The following NXPE4 variants were observed in gnomAD, a reference collection of about 807,000 sequenced individuals.
NXPE4 encodes the protein neurexophilin and PC-esterase domain family member 4.
In NXPE4, 42 loss-of-function variants were observed where a neutral mutation model predicts 33.3. The observed-to-expected ratio is 1.26, with a 90% CI of 0.98 to 1.63. The LOEUF (loss-of-function observed/expected upper bound fraction) is 1.63, where lower values mean the gene tolerates loss of function less well. Ranked by LOEUF, NXPE4 falls within the 40% of genes most tolerant of loss-of-function variation. The probability of loss-of-function intolerance (pLI) is 0.00; values close to 1 mark genes in which losing one functional copy is unlikely to be tolerated. For synonymous variants in NXPE4, 253 were observed against 234.9 expected (o/e 1.08, Z -0.71); for missense variants, 709 against 647.6 (o/e 1.09, Z -1.03).
At chr11:114,663,683 T>TATC in the NXPE4 span, among the ~76,000 whole-genome samples, 6 of 130,672 alleles carry the variant, frequency 4.6e-5, no homozygotes, top group Non-Finnish European at 8.1e-5. Flanking sequence ...TCTATTTATC[T>TATC]ATCTATCTAT....
chr11:114,641,478 T>A, the NXPE4 span, among the ~76,000 whole-genome samples: 1 of 152,078 alleles, frequency 6.6e-6, no homozygotes, highest in Non-Finnish European at 1.5e-5. Flanking sequence ...GAAAGTACTT[T>A]ATATCAAACA....
At chr11:114,638,369 A>G in the NXPE4 span, among the ~76,000 whole-genome samples, 2 of 150,990 alleles carry the variant, frequency 1.3e-5, no homozygotes, top group Admixed American at 6.6e-5. Context: ...ATTCGTCTAA[A>G]TTTTTTTTCA....
At chr11:114,655,884 C>T in the NXPE4 span, among the ~76,000 whole-genome samples, 2 of 152,172 alleles carry the variant, frequency 1.3e-5, no homozygotes, top group Non-Finnish European at 2.9e-5. Context: ...AGGATGCCCT[C>T]TCTCATCACT....
At chr11:114,640,609 C>T in the NXPE4 span, among the ~76,000 whole-genome samples, 28 of 151,904 alleles carry the variant, frequency 1.8e-4, no homozygotes, top group African/African-American at 6.5e-4. Context: ...CACATCTTCA[C>T]GAACATCTGT....
the NXPE4 span, among the ~76,000 whole-genome samples, chr11:114,629,698 G>A: frequency 6.6e-6 from 1 of 151,958 alleles, no homozygotes; most frequent in Non-Finnish European, 1.5e-5. Flanking sequence ...AGGGAATAAA[G>A]GGTATTCAAT....
the NXPE4 span, among the ~76,000 whole-genome samples, chr11:114,616,478 C>T: frequency 6.6e-6 from 1 of 151,642 alleles, no homozygotes; most frequent in Non-Finnish European, 1.5e-5. Flanking sequence ...ATAAGTGTTG[C>T]CTCGAGGGTA....
At chr11:114,617,871 T>C in the NXPE4 span, among the ~76,000 whole-genome samples, 6 of 152,032 alleles carry the variant, frequency 3.9e-5, no homozygotes, top group African/African-American at 1.4e-4. Flanking sequence ...GCCTCATGGG[T>C]AACCACTCTT....
chr11:114,629,194 C>T, the NXPE4 span, among the ~76,000 whole-genome samples: 1 of 152,022 alleles, frequency 6.6e-6, no homozygotes. Context: ...CATTCTGATA[C>T]CAAAGCCGGG....
chr11:114,625,965 G>A, the NXPE4 span, among the ~76,000 whole-genome samples: 2 of 151,712 alleles, frequency 1.3e-5, no homozygotes, highest in African/African-American at 4.9e-5. Flanking sequence ...GCACTTTTCC[G>A]ATGGGCTTAA....
intron 1 of NXPE4, 27 bp from the exon 2 acceptor site, chr11:114,594,796 AC>A: frequency 9.1e-7 from 1 of 1,101,680 alleles, no homozygotes. Flanking sequence ...AAAAACAAGC[AC>A]AAAAACATAC....
chr11:114,633,599 G>T, the NXPE4 span, among the ~76,000 whole-genome samples: 9 of 151,464 alleles, frequency 5.9e-5, no homozygotes, highest in South Asian at 1.9e-3. Flanking sequence ...ATCTCATAAT[G>T]CTATCCCTCC....
chr11:114,666,791 G>C, the NXPE4 span, among the ~76,000 whole-genome samples: 1 of 152,030 alleles, frequency 6.6e-6, no homozygotes, highest in Non-Finnish European at 1.5e-5. Flanking sequence ...TAGAGTATTG[G>C]TCTTTTCCTT....
At chr11:114,670,656 C>A in the NXPE4 span, among the ~76,000 whole-genome samples, 1 of 151,978 alleles carries the variant, frequency 6.6e-6, no homozygotes, top group Non-Finnish European at 1.5e-5. Context: ...TGTACCACTG[C>A]ACTCTAGCCT....
chr11:114,642,720 A>T, the NXPE4 span, among the ~76,000 whole-genome samples: 1 of 152,048 alleles, frequency 6.6e-6, no homozygotes, highest in Non-Finnish European at 1.5e-5. Flanking sequence ...ACTGCAATAT[A>T]CATATGTGTG....
the NXPE4 span, among the ~76,000 whole-genome samples, chr11:114,601,583 A>T: frequency 1.1e-5 from 1 of 88,074 alleles, no homozygotes; most frequent in African/African-American, 4.9e-5. Flanking sequence ...ATAATTATAT[A>T]TTATATATAT....
intron 1 of NXPE4, 79 bp from the exon 2 acceptor site, chr11:114,594,848 A>T: frequency 1.3e-6 from 1 of 773,960 alleles, no homozygotes; most frequent in East Asian, 2.5e-5. Flanking sequence ...AACATTTGAA[A>T]TTTTTTTGGC....
chr11:114,672,215 TG>T, the NXPE4 span, among the ~76,000 whole-genome samples: 1 of 151,880 alleles, frequency 6.6e-6, no homozygotes. Context: ...GAGATTTGGG[TG>T]GGGACACAGA....
chr11:114,674,865 A>G, the NXPE4 span, among the ~76,000 whole-genome samples: 1 of 151,766 alleles, frequency 6.6e-6, no homozygotes, highest in Non-Finnish European at 1.5e-5. Context: ...ATAATTATAG[A>G]CTATCATCCC....
At chr11:114,626,259 C>G in the NXPE4 span, among the ~76,000 whole-genome samples, 1 of 152,212 alleles carries the variant, frequency 6.6e-6, no homozygotes, top group South Asian at 2.1e-4. Flanking sequence ...GTAACCTCTG[C>G]AGACTTAAAT....
Sources: allele counts gnomAD v4.1 joint callset (sites outside exome capture counted in the v4.1 genomes callset), GRCh38; gene constraint gnomAD v4.1.1; transcripts MANE v1.5; gene names NCBI Gene and HGNC (gene_info 2026-07-23, HGNC 2026-07-21).